The following ZSWIM9 variants were observed in gnomAD, a reference collection of about 807,000 sequenced individuals.
ZSWIM9 encodes the protein zinc finger SWIM-type containing 9, also known as uncharacterized protein ZSWIM9.
In ZSWIM9, 11 loss-of-function variants were observed where a neutral mutation model predicts 25.0. That is an observed-to-expected ratio of 0.44 (90% CI 0.28 to 0.73). The LOEUF is 0.73. Ranked by LOEUF, ZSWIM9 falls within the 30% of genes least tolerant of loss-of-function variation. ZSWIM9 has a pLI of 0.16. For synonymous variants in ZSWIM9, 562 were observed against 582.1 expected (o/e 0.97, Z 0.50); for missense variants, 1,070 against 1,296.5 (o/e 0.83, Z 2.68).
In ZSWIM9 at chr19:48,194,929, G is replaced by A; in HGVS notation, c.865G>A (p.Val289Met). ...GAGCGCGCCAGACGTCAAGGGCCGC[G>A]TGCGCTGCCTCACCGCCGGGCCCGA... is the stretch of plus-strand genomic sequence containing the variant. The part of the protein sequence containing the change: ...LQSAPDVKGR[V>M]RCLTAGPEVA... Residue 289 changes from valine to methionine, a missense_variant, in exon 4 of 4, where the codon GTG becomes ATG. This residue lies in a region of ZSWIM9 where 184 missense variants were observed against 243.1 expected (regional missense o/e 0.76). Transcript: ENST00000614654. The surrounding 1 kb of genome is among the most constrained non-coding windows in gnomAD (Gnocchi z 6.0). 7.6e-7 allele frequency: 1 copy of A among 1,320,542 alleles called. No individual in the cohort carries two copies. The highest frequency in any genetic ancestry group is 9.6e-7 in the Non-Finnish European group (1 of 1,036,536). The allele number at this position is 1,320,542 out of a possible 1,614,324, so 81.8% of individuals were successfully genotyped here.
In ZSWIM9 at chr19:48,196,667, A is replaced by T. The variant is rs532738292; in HGVS notation, c.2603A>T (p.Asp868Val). ...AGFALKDGTSDFFLDGALTRC... is the reference protein window; with the variant it reads ...AGFALKDGTSVFFLDGALTRC... The stretch of plus-strand genomic sequence containing the variant: ...TTTGCCCTTAAGGACGGCACCTCGG[A>T]CTTCTTCCTGGATGGGGCCCTGACA... The change falls in exon 4 of 4, where the codon GAC becomes GTC. Residue 868 changes from aspartate to valine, a missense_variant. Coordinates refer to ENST00000614654, the MANE Select transcript of ZSWIM9 (RefSeq NM_199341.4). 1 of 1,232,612 alleles carries T rather than the reference A, an allele frequency of 8.1e-7. No homozygotes were observed. Among genetic ancestry groups the T allele is most frequent in the Non-Finnish European group, 1.0e-6 (1 of 988,412 alleles). The allele number at this position is 1,232,612 out of a possible 1,614,324, so 76.4% of individuals were successfully genotyped here.
intron 3 of ZSWIM9, among the ~76,000 whole-genome samples, chr19:48,188,195 G>C (rs1020323928): frequency 6.6e-6 from 1 of 152,002 alleles, no homozygotes; most frequent in African/African-American, 2.4e-5. Flanking sequence ...GGCAAGACTG[G>C]GGGGCGACTT....
At chr19:48,187,576 T>TTATATAATATAAG (rs2037043443) in intron 3 of ZSWIM9, 1 of 64,256 alleles carries the variant, frequency 1.6e-5, no homozygotes, top group East Asian at 5.6e-4. Flanking sequence ...ATATTATATA[T>TTATATAATATAAG]ATTATATATT....
rs940221946 is a variant in ZSWIM9 at position 48,191,092 on chromosome 19, A to ATGTGTGTGTG, written c.589-3536_589-3527dup. On this transcript the variant is annotated intron_variant, in intron 3 of 3. Transcript: ENST00000614654. ...GTGAGAAAGTGCAGTGTGTATGTGTATGTGTGTGTGTGTGTGTGTGTGTGT... is the reference window on the plus strand; with the variant it reads ...GTGAGAAAGTGCAGTGTGTATGTGTATGTGTGTGTGTGTGTGTGTGTGTGTGTGTGTGTGT... 2.3e-3 allele frequency among the ~76,000 whole-genome samples: 219 copies of ATGTGTGTGTG among 96,538 alleles called. 1 individual carries two copies. The highest frequency in any genetic ancestry group is 5.7e-3 in the Admixed American group (56 of 9,870). The allele number at this position is 96,538 out of a possible 152,430, so 63.3% of individuals were successfully genotyped here. A position where few individuals can be genotyped will look rare whatever the true frequency, so the allele number is the denominator to read the frequency against.
At chr19:48,177,149 ACTT>A (rs1212187997) in intron 2 of ZSWIM9, among the ~76,000 whole-genome samples, 1 of 152,322 alleles carries the variant, frequency 6.6e-6, no homozygotes, top group African/African-American at 2.4e-5. Context: ...GTCAGGGAAG[ACTT>A]CCTGGAGGAG....
At chr19:48,191,824 G>A (rs994368375) in intron 3 of ZSWIM9, 1 of 153,836 alleles carries the variant, frequency 6.5e-6, no homozygotes, top group African/African-American at 2.4e-5. Flanking sequence ...AGCCAGCCCT[G>A]TTTGGTCAAT....
At position 48,182,319 on chromosome 19, in the gene ZSWIM9, T is replaced by G; in HGVS notation, c.276-136T>G. On this transcript the variant is annotated intron_variant, in intron 2 of 3. Transcript: ENST00000614654. The surrounding 1 kb of genome is among the most constrained non-coding windows in gnomAD (Gnocchi z 4.6). Reference sequence around the variant, plus strand: ...AGTGACTTGCCCCAGGTCACACAGCTGGCATATTCTTAGGGCCCTCTACTC... The same window carrying G: ...AGTGACTTGCCCCAGGTCACACAGCGGGCATATTCTTAGGGCCCTCTACTC... 1 of 723,464 alleles carries G rather than the reference T, an allele frequency of 1.4e-6. No homozygotes were observed. The highest frequency in any genetic ancestry group is 2.9e-5 in the Admixed American group (1 of 33,954). The allele number at this position is 723,464 out of a possible 1,614,324, so 44.8% of individuals were successfully genotyped here.
rs2036953860 is a variant in ZSWIM9, at chr19:48,182,130, G to A, written c.276-325G>A. The stretch of plus-strand genomic sequence containing the variant: ...ACTTTTGACAGAACTAAGGGTGGTA[G>A]GTATAGAATTTTAGTGAACACTTAC... On this transcript the variant is annotated intron_variant, in intron 2 of 3. Coordinates refer to ENST00000614654, the MANE Select transcript of ZSWIM9 (RefSeq NM_199341.4). The surrounding 1 kb of genome is among the most constrained non-coding windows in gnomAD (Gnocchi z 4.6). 1 of 327,454 alleles carries A rather than the reference G, an allele frequency of 3.1e-6. No individual in the cohort carries two copies. The highest frequency in any genetic ancestry group is 5.6e-6 in the Non-Finnish European group (1 of 179,962). The allele number at this position is 327,454 out of a possible 1,614,324, so 20.3% of individuals were successfully genotyped here.
chr19:48,196,074 G>A lies in ZSWIM9; in HGVS notation c.2010G>A (p.Lys670=). Reference sequence around the variant, plus strand: ...ACTTGAGGGGGATCCCCTTGGAGAAGTCCCTGGAGTTGGCCCCTGAGAACG... The same window carrying A: ...ACTTGAGGGGGATCCCCTTGGAGAAATCCCTGGAGTTGGCCCCTGAGAACG... ...VRNLRGIPLE[K]SLELAPENGD... Residue 670 remains lysine (K), a synonymous_variant, in exon 4 of 4, where the codon AAG becomes AAA. Coordinates refer to ENST00000614654, the MANE Select transcript of ZSWIM9 (RefSeq NM_199341.4). 1 of 1,251,594 alleles carries A rather than the reference G, an allele frequency of 8.0e-7. No homozygotes were observed. The highest frequency in any genetic ancestry group is 1.0e-6 in the Non-Finnish European group (1 of 1,000,146). 77.5% of individuals were successfully genotyped at this position (1,251,594 alleles called of 1,614,324 possible). A position where few individuals can be genotyped will look rare whatever the true frequency, so the allele number is the denominator to read the frequency against.
intron 3 of ZSWIM9, chr19:48,190,610 G>A (rs888236690): frequency 6.5e-6 from 1 of 154,850 alleles, no homozygotes; most frequent in Non-Finnish European, 1.5e-5. Flanking sequence ...CCTGCAAGGG[G>A]GCAGGGAGGT....
chr19:48,188,939 G>A (rs1173206037), intron 3 of ZSWIM9, among the ~76,000 whole-genome samples: 1 of 152,062 alleles, frequency 6.6e-6, no homozygotes, highest in Admixed American at 6.5e-5. Flanking sequence ...GCTGAGGCAG[G>A]AGAATGGCGT....
chr19:48,186,270 G>A (rs2037010194), intron 3 of ZSWIM9, among the ~76,000 whole-genome samples: 1 of 146,102 alleles, frequency 6.8e-6, no homozygotes, highest in South Asian at 2.2e-4. Flanking sequence ...AGCAAGCAGG[G>A]CAGCCTAGTG....
Position 48,194,657 on chromosome 19 carries a change from A to G in ZSWIM9, c.593A>G (p.Lys198Arg). The G allele has an allele frequency of 6.9e-7, 1 of 1,453,056 alleles. No homozygotes were observed. Among genetic ancestry groups the G allele is most frequent in the Non-Finnish European group, 9.1e-7 (1 of 1,099,990 alleles). 90.0% of individuals were successfully genotyped at this position (1,453,056 alleles called of 1,614,324 possible). The change falls in exon 4 of 4, where the codon AAG (lysine) becomes AGG (arginine). Residue 198 changes from lysine to arginine, a missense_variant. Coordinates refer to ENST00000614654, the MANE Select transcript of ZSWIM9 (RefSeq NM_199341.4). The surrounding 1 kb of genome is among the most constrained non-coding windows in gnomAD (Gnocchi z 6.0). ...CCTCCCTGCCCCCGCCCGCAGGTGA[A>G]GCTGGTGTTCGTGGAGGACCAGGCT... ...LFRTDPEAKV[K>R]LVFVEDQAVV...
chr19:48,183,416 C>T (rs1417597251), intron 3 of ZSWIM9, among the ~76,000 whole-genome samples: 2 of 152,076 alleles, frequency 1.3e-5, no homozygotes, highest in Non-Finnish European at 2.9e-5. Context: ...CGAGAGCCAC[C>T]ACGCCCGGCC....
intron 3 of ZSWIM9, among the ~76,000 whole-genome samples, chr19:48,184,915 G>A (rs924464541): frequency 1.3e-5 from 2 of 152,056 alleles, no homozygotes; most frequent in South Asian, 2.1e-4. Context: ...ACTGGTCTTT[G>A]CTGATCTAGT....
intron 3 of ZSWIM9, among the ~76,000 whole-genome samples, chr19:48,183,814 T>G (rs1303106403): frequency 6.6e-6 from 1 of 150,390 alleles, no homozygotes; most frequent in East Asian, 2.0e-4. Flanking sequence ...TTTTTTAGTT[T>G]TTGTAGAGAT....
Position 48,196,822 on chromosome 19 carries a change from C to G in ZSWIM9, c.2758C>G (p.Pro920Ala). Residue 920 changes from proline (P) to alanine (A), a missense_variant, in exon 4 of 4, where the codon CCC (proline) becomes GCC (alanine). Physicochemically the swap from Pro to Ala is conservative, Grantham distance 27 (BLOSUM62 -1). Coordinates refer to ENST00000614654, the MANE Select transcript of ZSWIM9 (RefSeq NM_199341.4). ...GGATTGCTGGGGGAGAGCCCCAGAGCCCTGACCCTTCATGCCTCTGCCCAC... is the reference window on the plus strand; with the variant it reads ...GGATTGCTGGGGGAGAGCCCCAGAGGCCTGACCCTTCATGCCTCTGCCCAC... ...LRDCWGRAPE[P>A] is the part of the protein sequence containing the mutation. The G allele has an allele frequency of 8.1e-7, 1 of 1,240,654 alleles. No homozygotes were observed. Among genetic ancestry groups the G allele is most frequent in the Non-Finnish European group, 1.0e-6 (1 of 993,284 alleles). 76.9% of individuals were successfully genotyped at this position (1,240,654 alleles called of 1,614,324 possible).
intron 2 of ZSWIM9, among the ~76,000 whole-genome samples, chr19:48,178,177 C>T (rs1009448156): frequency 3.9e-5 from 6 of 152,186 alleles, no homozygotes; most frequent in South Asian, 2.1e-4. Flanking sequence ...GGATTATAGG[C>T]GTGAGCCACC....
At chr19:48,192,238 G>GA (rs1343804146) in intron 3 of ZSWIM9, among the ~76,000 whole-genome samples, 2 of 150,972 alleles carry the variant, frequency 1.3e-5, no homozygotes, top group South Asian at 2.1e-4. Flanking sequence ...ATATCTGGCA[G>GA]AAAAATGTAT....
Sources: gnomAD v4.1 joint callset for allele counts (sites outside exome capture counted in the v4.1 genomes callset) on GRCh38, gnomAD v4.1.1 for gene constraint, gnomAD v4.1.1 regional missense constraint, Gnocchi (gnomAD v3.1) non-coding constraint, MANE v1.5 for transcripts, NCBI Gene and HGNC (gene_info 2026-07-23, HGNC 2026-07-21) for gene names.